PRIM2: variants seen among roughly 807,000 people sequenced by gnomAD.
PRIM2 encodes the protein DNA primase subunit 2, also known as DNA primase large subunit.
Under a neutral mutation model 67.3 loss-of-function variants are expected in PRIM2, and 39 were observed. The observed-to-expected ratio is 0.58, with a 90% CI of 0.45 to 0.76. The LOEUF (loss-of-function observed/expected upper bound fraction) is 0.76, where lower values mean the gene tolerates loss of function less well. PRIM2 is among the 30% of genes least tolerant of loss of function. The pLI is 0.00. For missense variants in PRIM2, 398 were observed against 598.7 expected (o/e 0.66, Z 3.50); for synonymous variants, 143 against 198.7 (o/e 0.72, Z 2.36).
the PRIM2 span, among the ~76,000 whole-genome samples, chr6:57,240,169 G>C: frequency 2.8e-4 from 39 of 140,936 alleles, no homozygotes; most frequent in African/African-American, 9.8e-4. Context: ...GCGCGATCTC[G>C]GCTCACACTG....
At chr6:57,432,404 G>T (rs1031270788) in intron 7 of PRIM2, among the ~76,000 whole-genome samples, 2 of 152,138 alleles carry the variant, frequency 1.3e-5, no homozygotes, top group African/African-American at 4.8e-5. Flanking sequence ...TGGGAGGCAG[G>T]AGTTCAGTTC....
At chr6:57,432,969 G>A (rs1339567249) in intron 7 of PRIM2, among the ~76,000 whole-genome samples, 1 of 152,196 alleles carries the variant, frequency 6.6e-6, no homozygotes, top group Non-Finnish European at 1.5e-5. Flanking sequence ...TCTACCATTA[G>A]TACTTGCAGG....
chr6:57,367,013 A>G (rs1244803878), intron 5 of PRIM2, among the ~76,000 whole-genome samples: 2 of 152,128 alleles, frequency 1.3e-5, no homozygotes, highest in African/African-American at 4.8e-5. Context: ...TTTTAGTGTT[A>G]ATTTTACTAT....
At chr6:57,493,536 A>G (rs1773942402) in intron 7 of PRIM2, among the ~76,000 whole-genome samples, 1 of 152,222 alleles carries the variant, frequency 6.6e-6, no homozygotes, top group African/African-American at 2.4e-5. Context: ...TGAGGGAGAA[A>G]TAAATCAGGC....
chr6:57,597,907 T>G (rs1225896248), intron 10 of PRIM2, among the ~76,000 whole-genome samples: 1 of 152,214 alleles, frequency 6.6e-6, no homozygotes, highest in Non-Finnish European at 1.5e-5. Flanking sequence ...AAATAATCTG[T>G]TTTATTTTTA....
intron 7 of PRIM2, among the ~76,000 whole-genome samples, chr6:57,492,183 T>G (rs1773908834): frequency 6.6e-6 from 1 of 152,182 alleles, no homozygotes. Flanking sequence ...AGATTTTAAT[T>G]CATTTAAATA....
chr6:57,351,846 G>A, intron 5 of PRIM2, among the ~76,000 whole-genome samples: 1 of 152,180 alleles, frequency 6.6e-6, no homozygotes, highest in East Asian at 1.9e-4. Context: ...TGCTAAGGGA[G>A]AGAGGATGAA....
At chr6:57,344,839 A>G (rs1368128372) in intron 5 of PRIM2, among the ~76,000 whole-genome samples, 1 of 152,138 alleles carries the variant, frequency 6.6e-6, no homozygotes, top group Non-Finnish European at 1.5e-5. Context: ...TCAACCTACA[A>G]AATTAGATTC....
chr6:57,272,097 A>G, the PRIM2 span, among the ~76,000 whole-genome samples: 1 of 152,170 alleles, frequency 6.6e-6, no homozygotes, highest in Non-Finnish European at 1.5e-5. Flanking sequence ...AAAGGAACGT[A>G]TATTCTATTG....
intron 7 of PRIM2, among the ~76,000 whole-genome samples, chr6:57,409,320 T>C (rs1429723880): frequency 6.6e-6 from 1 of 152,048 alleles, no homozygotes; most frequent in African/African-American, 2.4e-5. Context: ...GGACTACAGG[T>C]GCCCACCACC....
chr6:57,268,294 C>T, the PRIM2 span, among the ~76,000 whole-genome samples: 11 of 152,132 alleles, frequency 7.2e-5, no homozygotes, highest in African/African-American at 2.7e-4. Context: ...TACTGTATAA[C>T]ATTTTGTGAC....
At chr6:57,268,880 G>A in the PRIM2 span, among the ~76,000 whole-genome samples, 7 of 148,192 alleles carry the variant, frequency 4.7e-5, no homozygotes, top group African/African-American at 1.0e-4. Flanking sequence ...GAGAACATGC[G>A]GTGTTTGGTT....
chr6:57,488,118 C>T (rs1455558508), intron 7 of PRIM2, among the ~76,000 whole-genome samples: 5 of 152,204 alleles, frequency 3.3e-5, no homozygotes, highest in African/African-American at 1.2e-4. Context: ...CTCAGGCTTA[C>T]ATCATTTGTT....
chr6:57,358,029 A>G (rs1757994595), intron 5 of PRIM2, among the ~76,000 whole-genome samples: 1 of 152,232 alleles, frequency 6.6e-6, no homozygotes, highest in Non-Finnish European at 1.5e-5. Flanking sequence ...GAGGTACTTA[A>G]TGTATGTTGG....
chr6:57,359,374 C>T (rs556528427), intron 5 of PRIM2, among the ~76,000 whole-genome samples: 1 of 152,176 alleles, frequency 6.6e-6, no homozygotes, highest in Non-Finnish European at 1.5e-5. Flanking sequence ...TTTTAAGCAT[C>T]CCTGTCACGG....
At chr6:57,352,427 G>C (rs1384979447) in intron 5 of PRIM2, among the ~76,000 whole-genome samples, 1 of 152,054 alleles carries the variant, frequency 6.6e-6, no homozygotes, top group Non-Finnish European at 1.5e-5. Flanking sequence ...TTTTAGTAGA[G>C]ATGGGGTTTC....
intron 3 of PRIM2, among the ~76,000 whole-genome samples, chr6:57,321,717 A>T (rs1741910): frequency 0.17 from 26,156 of 152,136 alleles, 2,422 homozygotes; most frequent in Non-Finnish European, 0.19. Context: ...TATGTTTGCT[A>T]TGTACCAGAT....
chr6:57,584,437 C>T (rs1776154210), intron 10 of PRIM2, among the ~76,000 whole-genome samples: 1 of 152,142 alleles, frequency 6.6e-6, no homozygotes, highest in Non-Finnish European at 1.5e-5. Flanking sequence ...CTATTTAATA[C>T]TTATTCTGTG....
chr6:57,464,152 C>T (rs35812381), intron 7 of PRIM2, among the ~76,000 whole-genome samples: 3 of 152,094 alleles, frequency 2.0e-5, no homozygotes, highest in Admixed American at 1.3e-4. Flanking sequence ...TATGCACACT[C>T]TCAGTGCCAT....
Sources: allele counts gnomAD v4.1 joint callset (sites outside exome capture counted in the v4.1 genomes callset), GRCh38; gene constraint gnomAD v4.1.1; transcripts MANE v1.5; gene names NCBI Gene and HGNC (gene_info 2026-07-23, HGNC 2026-07-21).